SGSM2: variants seen among roughly 807,000 people sequenced by gnomAD.
SGSM2 encodes small G protein signaling modulator 2.
In SGSM2, 89 loss-of-function variants were observed where a neutral mutation model predicts 126.6. The ratio of observed to expected loss-of-function variants is 0.70; its 90% CI spans 0.59 to 0.84. SGSM2 has a LOEUF of 0.84. SGSM2 is among the 40% of genes least tolerant of loss of function. SGSM2 has a pLI of 0.00. For missense variants in SGSM2, 1,404 were observed against 1,416.6 expected, an observed-to-expected ratio of 0.99 and a Z score of 0.14; for synonymous variants, 614 against 574.3, an observed-to-expected ratio of 1.07 and a Z score of -0.99.
intron 1 of SGSM2, among the ~76,000 whole-genome samples, chr17:2,339,348 A>C (rs192505482): frequency 6.6e-6 from 1 of 152,126 alleles, no homozygotes; most frequent in African/African-American, 2.4e-5. Context: ...TGGCAGGAGA[A>C]TCGCTTGAAC....
At chr17:2,351,025 G>A (rs961571146) in intron 2 of SGSM2, among the ~76,000 whole-genome samples, 4 of 152,136 alleles carry the variant, frequency 2.6e-5, no homozygotes, top group Non-Finnish European at 2.9e-5. Context: ...GGCTGAGGAG[G>A]GTGGATCACT....
Position 2,377,934 on chromosome 17 carries a change from C to T in SGSM2, c.2880C>T (p.Phe960=). ...ACTTCTACTTCTGTTATCGCTGGTTCCTGCTGGATTTTAAGAGAGGTAAGA... is the reference window on the plus strand; with the variant it reads ...ACTTCTACTTCTGTTATCGCTGGTTTCTGCTGGATTTTAAGAGAGGTAAGA... The part of the protein sequence containing the change: ...YTHFYFCYRW[F]LLDFKRELLY... Residue 960 remains phenylalanine (F), a synonymous_variant, in exon 22 of 24, where the codon TTC becomes TTT. Transcript: ENST00000268989. 3.7e-6 allele frequency: 6 copies of T among 1,611,460 alleles called. No homozygotes were observed. Among genetic ancestry groups the T allele is most frequent in the Non-Finnish European group, 5.1e-6 (6 of 1,177,734 alleles).
chr17:2,340,834 T>C (rs932561871), intron 1 of SGSM2, among the ~76,000 whole-genome samples: 7 of 152,232 alleles, frequency 4.6e-5, no homozygotes, highest in Non-Finnish European at 8.8e-5. Flanking sequence ...TCCGCCCACC[T>C]TGGCCTCCCA....
In SGSM2 at chr17:2,353,926, T is replaced by A. The variant is rs534982820; in HGVS notation, c.134-7711T>A. On this transcript the variant is annotated intron_variant, in intron 2 of 23. Coordinates refer to ENST00000268989, the MANE Select transcript of SGSM2 (RefSeq NM_014853.3). ...GTTTTTTGTTTGTTTGGTTGTTTTT[T>A]GAGACAGGGTTTCATTCTGTCACCC... Among the ~76,000 whole-genome samples the A allele has an allele frequency of 1.9e-3, 282 of 152,276 alleles. 4 individuals are homozygous for A. The highest frequency in any genetic ancestry group is 3.3e-3 in the Non-Finnish European group (224 of 68,022).
rs573024566 is a variant in SGSM2, at chr17:2,359,598, C to T, written c.134-2039C>T. 2.6e-5 allele frequency among the ~76,000 whole-genome samples: 4 copies of T among 152,234 alleles called. No individual in the cohort carries two copies. The South Asian group carries it at 8.3e-4, about 32-fold the overall frequency. On this transcript the variant is annotated intron_variant, in intron 2 of 23. Transcript: ENST00000268989. ...AGTTGCAGTAATTGCTTAGGAATGC[C>T]TCCTCTCACCCGAGAGAACCCCATG... is the stretch of plus-strand genomic sequence containing the variant.
intron 2 of SGSM2, among the ~76,000 whole-genome samples, chr17:2,346,636 A>T (rs1188926819): frequency 6.6e-6 from 1 of 151,096 alleles, no homozygotes; most frequent in Non-Finnish European, 1.5e-5. Flanking sequence ...GCGAGTAGAA[A>T]CTTTCCTTGT....
chr17:2,361,561 G>T, intron 2 of SGSM2, 76 bp from the exon 3 acceptor site: 1 of 1,547,954 alleles, frequency 6.5e-7, no homozygotes, highest in African/African-American at 1.4e-5. Flanking sequence ...CTCACCACAG[G>T]TATGGGGAAG....
intron 18 of SGSM2, 22 bp downstream of exon 18, chr17:2,375,897 T>A: frequency 6.6e-7 from 1 of 1,508,758 alleles, no homozygotes; most frequent in Non-Finnish European, 8.8e-7. Context: ...CTCCCCAGGC[T>A]GTTCCCAGCC....
chr17:2,373,755 G>A, intron 17 of SGSM2: 1 of 507,302 alleles, frequency 2.0e-6, no homozygotes. Context: ...CCAACTATAG[G>A]GAAAGATGGA....
At chr17:2,364,398 A>G (rs2065460608) in intron 8 of SGSM2, 198 bp from the exon 9 acceptor site, 1 of 830,412 alleles carries the variant, frequency 1.2e-6, no homozygotes, top group South Asian at 1.7e-5. Context: ...CCAAGCTCTC[A>G]GCGGCTGAGA....
chr17:2,341,246 T>C (rs567000868), intron 1 of SGSM2, among the ~76,000 whole-genome samples: 2 of 152,242 alleles, frequency 1.3e-5, no homozygotes, highest in South Asian at 4.1e-4. Flanking sequence ...GCCTCTTGAG[T>C]AGCTGGGATT....
chr17:2,363,662 C>G lies in SGSM2; in HGVS notation c.807+63C>G. The G allele has an allele frequency of 6.3e-7, 1 of 1,586,872 alleles. No individual in the cohort carries two copies. Among genetic ancestry groups the G allele is most frequent in the Non-Finnish European group, 8.6e-7 (1 of 1,163,732 alleles). ...CCCCGAACGAGACGACTGGAAGCCTCTAGCCATGGCTATTCCTTTCCTGAG... is the reference window on the plus strand; with the variant it reads ...CCCCGAACGAGACGACTGGAAGCCTGTAGCCATGGCTATTCCTTTCCTGAG... On this transcript the variant is annotated intron_variant, in intron 7 of 23. Transcript: ENST00000268989. The surrounding 1 kb of genome is among the most constrained non-coding windows in gnomAD (Gnocchi z 4.2).
chr17:2,372,375 C>T lies in SGSM2; in HGVS notation c.1675C>T (p.Arg559Trp), dbSNP rs754862983. Residue 559 changes from arginine to tryptophan, a missense_variant, in exon 15 of 24, where the codon CGG (arginine) becomes TGG (tryptophan). Arg to Trp is a moderately radical substitution (Grantham distance 101). Coordinates refer to ENST00000268989, the MANE Select transcript of SGSM2 (RefSeq NM_014853.3). The surrounding 1 kb of genome is among the most constrained non-coding windows in gnomAD (Gnocchi z 6.0). ...ACACTGCCGCCACCTGTCCACGGTG[C>T]GGACCCACCTGTCGGCGCTGGTGCA... The part of the protein sequence containing the change: ...LAHCRHLSTV[R>W]THLSALVHHS... 4.3e-5 allele frequency: 68 copies of T among 1,590,896 alleles called. No homozygotes were observed. The East Asian group carries it at 5.9e-4, about 14-fold the overall frequency.
intron 1 of SGSM2, among the ~76,000 whole-genome samples, chr17:2,340,746 G>A (rs912768000): frequency 7.2e-5 from 11 of 151,822 alleles, no homozygotes; most frequent in South Asian, 6.2e-4. Flanking sequence ...CACCACGCCC[G>A]GCTAATTTTT....
Position 2,367,061 on chromosome 17 carries a change from G to A in SGSM2, c.1289-210G>A. 1.8e-6 allele frequency: 1 copy of A among 555,834 alleles called. No homozygotes were observed. The highest frequency in any genetic ancestry group is 2.9e-5 in the East Asian group (1 of 34,194). The allele number at this position is 555,834 out of a possible 1,614,324, so 34.4% of individuals were successfully genotyped here. A position where few individuals can be genotyped will look rare whatever the true frequency, so the allele number is the denominator to read the frequency against. ...TAGAGAGGCTGCCTCCGAAGAGTGA[G>A]GTTCTGCAGCTGCCCCAGCCCCTCG... On this transcript the variant is annotated intron_variant, in intron 11 of 23. Transcript: ENST00000268989. The surrounding 1 kb of genome is among the most constrained non-coding windows in gnomAD (Gnocchi z 4.0).
intron 2 of SGSM2, among the ~76,000 whole-genome samples, chr17:2,345,743 A>G (rs2151486565): frequency 1.3e-5 from 2 of 152,250 alleles, no homozygotes; most frequent in South Asian, 4.1e-4. Context: ...GTCACGGAGA[A>G]CAGGAGCAGG....
chr17:2,348,685 G>T (rs146156409), intron 2 of SGSM2, among the ~76,000 whole-genome samples: 3 of 152,272 alleles, frequency 2.0e-5, no homozygotes, highest in African/African-American at 7.2e-5. Context: ...GAACAGAAGA[G>T]CAATGCAGGC....
At position 2,362,435 on chromosome 17, in the gene SGSM2, A is replaced by C. The variant is rs1303388922; in HGVS notation, c.458+165A>C. Among the ~76,000 whole-genome samples the C allele has an allele frequency of 7.4e-6, 1 of 135,826 alleles. No individual in the cohort carries two copies. The highest frequency in any genetic ancestry group is 1.6e-5 in the Non-Finnish European group (1 of 64,134). 89.1% of individuals were successfully genotyped at this position (135,826 alleles called of 152,430 possible). ...AACTGCAGGTGACCGCCCCGTTCCC[A>C]AAAACTGCAGGTGACCGCCCCGTTC... On this transcript the variant is annotated intron_variant, in intron 4 of 23. Transcript: ENST00000268989. The surrounding 1 kb of genome is among the most constrained non-coding windows in gnomAD (Gnocchi z 4.9).
chr17:2,354,051 C>T (rs1005214584), intron 2 of SGSM2, among the ~76,000 whole-genome samples: 2 of 152,068 alleles, frequency 1.3e-5, no homozygotes, highest in African/African-American at 4.8e-5. Context: ...AGAATACAGG[C>T]TCATGTCACC....
Sources: gnomAD v4.1 joint callset for allele counts (sites outside exome capture counted in the v4.1 genomes callset) on GRCh38, gnomAD v4.1.1 for gene constraint, Gnocchi (gnomAD v3.1) non-coding constraint, MANE v1.5 for transcripts, NCBI Gene and HGNC (gene_info 2026-07-23, HGNC 2026-07-21) for gene names.